PLD5: variants seen among roughly 807,000 people sequenced by gnomAD.
PLD5 encodes inactive phospholipase D5.
Under a neutral mutation model 61.1 loss-of-function variants are expected in PLD5, and 36 were observed. The observed-to-expected ratio is 0.59, with a 90% CI of 0.45 to 0.78. The LOEUF is 0.78. Ranked by LOEUF, PLD5 falls within the 30% of genes least tolerant of loss-of-function variation. The probability of loss-of-function intolerance (pLI) is 0.00; values close to 1 mark genes in which losing one functional copy is unlikely to be tolerated. For missense variants in PLD5, 515 were observed against 644.4 expected (o/e 0.80, Z 2.17); for synonymous variants, 243 against 242.8 (o/e 1.00, Z -0.01).
chr1:242,152,599 T>C (rs980273305), intron 5 of PLD5, among the ~76,000 whole-genome samples: 6 of 151,624 alleles, frequency 4.0e-5, no homozygotes, highest in African/African-American at 1.5e-4. Flanking sequence ...AGTGAGAACA[T>C]GTGATGTTTG....
intron 2 of PLD5, among the ~76,000 whole-genome samples, chr1:242,328,394 A>G (rs1370320716): frequency 6.6e-6 from 1 of 152,106 alleles, no homozygotes; most frequent in African/African-American, 2.4e-5. Flanking sequence ...CACGTGTTCT[A>G]CATAGTTGTG....
At position 242,437,887 on chromosome 1, in the gene PLD5, C is replaced by T. The variant is rs73138117; in HGVS notation, c.189+86201G>A. ...ACATCACACAAAGTGCTTGGCAGAGCCAAGTGCATGCTGTCATCACTGTGC... is the reference window on the plus strand; with the variant it reads ...ACATCACACAAAGTGCTTGGCAGAGTCAAGTGCATGCTGTCATCACTGTGC... On this transcript the variant is annotated intron_variant, in intron 1 of 9. Coordinates refer to ENST00000536534, the MANE Select transcript of PLD5 (RefSeq NM_001372062.1). 5.3e-3 allele frequency among the ~76,000 whole-genome samples: 809 copies of T among 152,268 alleles called. 7 individuals are homozygous for T. The highest frequency in any genetic ancestry group is 0.019 in the African/African-American group (773 of 41,542).
At chr1:242,491,400 C>T (rs1281618822) in intron 1 of PLD5, among the ~76,000 whole-genome samples, 1 of 152,146 alleles carries the variant, frequency 6.6e-6, no homozygotes, top group Non-Finnish European at 1.5e-5. Flanking sequence ...TGCGCACACA[C>T]ACACATAAAC....
intron 5 of PLD5, among the ~76,000 whole-genome samples, chr1:242,139,233 C>T (rs1412004679): frequency 6.6e-6 from 1 of 152,012 alleles, no homozygotes; most frequent in Non-Finnish European, 1.5e-5. Context: ...GTCTCAATTT[C>T]TGCTTTTGTT....
At chr1:242,220,719 A>ATTTTAT (rs1417707279) in intron 4 of PLD5, among the ~76,000 whole-genome samples, 3 of 141,160 alleles carry the variant, frequency 2.1e-5, no homozygotes, top group African/African-American at 8.3e-5. Flanking sequence ...ATTTTATTTT[A>ATTTTAT]TTTTATTTTA....
At chr1:242,400,671 G>A (rs1340520495) in intron 1 of PLD5, among the ~76,000 whole-genome samples, 1 of 152,076 alleles carries the variant, frequency 6.6e-6, no homozygotes, top group Non-Finnish European at 1.5e-5. Flanking sequence ...GCCCAGCACG[G>A]ACCTAAATCC....
At chr1:242,451,703 A>T (rs1032468048) in intron 1 of PLD5, among the ~76,000 whole-genome samples, 1 of 151,774 alleles carries the variant, frequency 6.6e-6, no homozygotes, top group African/African-American at 2.4e-5. Context: ...CAGGTGATCC[A>T]CCTGCCTCAG....
intron 4 of PLD5, among the ~76,000 whole-genome samples, chr1:242,253,634 C>A (rs1672846483): frequency 6.6e-6 from 1 of 152,146 alleles, no homozygotes; most frequent in African/African-American, 2.4e-5. Flanking sequence ...TAAAGAACAT[C>A]CTCCCCAAAT....
intron 3 of PLD5, among the ~76,000 whole-genome samples, chr1:242,281,092 G>C (rs777168523): frequency 7.9e-5 from 12 of 152,168 alleles, no homozygotes; most frequent in Non-Finnish European, 1.8e-4. Context: ...ACCAGGCTGC[G>C]GGCTTCCTTA....
At chr1:242,486,695 G>A (rs894201397) in intron 1 of PLD5, among the ~76,000 whole-genome samples, 6 of 152,124 alleles carry the variant, frequency 3.9e-5, no homozygotes, top group African/African-American at 1.4e-4. Context: ...ATTTGACCCA[G>A]CCATCCCATT....
intron 5 of PLD5, among the ~76,000 whole-genome samples, chr1:242,163,633 G>C (rs756372556): frequency 5.3e-5 from 8 of 152,194 alleles, no homozygotes; most frequent in Non-Finnish European, 1.2e-4. Context: ...TGTCACTGCT[G>C]TCCATTCATT....
At chr1:242,328,448 T>TTCTACA in intron 2 of PLD5, among the ~76,000 whole-genome samples, 1 of 152,306 alleles carries the variant, frequency 6.6e-6, no homozygotes, top group East Asian at 1.9e-4. Flanking sequence ...CATACATGTG[T>TTCTACA]TGTACATGTG....
In PLD5 at chr1:242,207,936, A is replaced by ATACATT. The variant is rs1283844500; in HGVS notation, c.735+12051_735+12052insAATGTA. On this transcript the variant is annotated intron_variant, in intron 5 of 9. Coordinates refer to ENST00000536534, the MANE Select transcript of PLD5 (RefSeq NM_001372062.1). ...TATTTATATATTTATATATATTTAT[A>ATACATT]TATTTATATATATTTATTTATATAT... 3.6e-4 allele frequency among the ~76,000 whole-genome samples: 33 copies of ATACATT among 90,660 alleles called. 3 individuals carry two copies. Among genetic ancestry groups the ATACATT allele is most frequent in the Non-Finnish European group, 5.6e-4 (29 of 51,458 alleles). The allele number at this position is 90,660 out of a possible 152,430, so 59.5% of individuals were successfully genotyped here.
chr1:242,525,290 G>T (rs562625625), upstream of PLD5, among the ~76,000 whole-genome samples: 4 of 152,272 alleles, frequency 2.6e-5, no homozygotes, highest in Admixed American at 2.0e-4. Flanking sequence ...CCCAGCCCTC[G>T]GTGTCCACCT....
At chr1:242,510,764 G>GA (rs1216023303) in intron 1 of PLD5, among the ~76,000 whole-genome samples, 1 of 151,962 alleles carries the variant, frequency 6.6e-6, no homozygotes, top group African/African-American at 2.4e-5. Flanking sequence ...AGAATGGCAT[G>GA]ACCCCGGGAG....
chr1:242,126,734 C>A (rs1482364461), intron 5 of PLD5, among the ~76,000 whole-genome samples: 2 of 152,140 alleles, frequency 1.3e-5, no homozygotes, highest in Non-Finnish European at 2.9e-5. Flanking sequence ...AAAAACCCTT[C>A]TAGACATTGG....
intron 5 of PLD5, among the ~76,000 whole-genome samples, chr1:242,163,071 GAATC>G (rs1218958804): frequency 6.6e-6 from 1 of 151,926 alleles, no homozygotes; most frequent in Non-Finnish European, 1.5e-5. Flanking sequence ...ACTAGGTAAA[GAATC>G]AATTCATGGA....
At chr1:242,293,308 T>A (rs1675476088) in intron 2 of PLD5, among the ~76,000 whole-genome samples, 1 of 152,208 alleles carries the variant, frequency 6.6e-6, no homozygotes, top group African/African-American at 2.4e-5. Flanking sequence ...TTTATGACAG[T>A]AGTCTTCCTT....
At chr1:242,204,208 A>G (rs1248195267) in intron 5 of PLD5, among the ~76,000 whole-genome samples, 1 of 151,592 alleles carries the variant, frequency 6.6e-6, no homozygotes, top group African/African-American at 2.4e-5. Flanking sequence ...ATGCCACTGC[A>G]CTCCAGTCTG....
Sources: gnomAD v4.1 joint callset for allele counts (sites outside exome capture counted in the v4.1 genomes callset) on GRCh38, gnomAD v4.1.1 for gene constraint, MANE v1.5 for transcripts, NCBI Gene and HGNC (gene_info 2026-07-23, HGNC 2026-07-21) for gene names.